Variants in CPPED1 observed in about 807,000 individuals in gnomAD.
CPPED1 encodes calcineurin like phosphoesterase domain containing 1.
A neutral mutation model predicts 28.0 loss-of-function variants in CPPED1; 28 were observed. That is an observed-to-expected ratio of 1.00 (90% confidence interval 0.74 to 1.37). The LOEUF (loss-of-function observed/expected upper bound fraction) is 1.37. Ranked by LOEUF, CPPED1 falls within the 40% of genes most tolerant of loss-of-function variation. The pLI is 0.00. For synonymous variants in CPPED1, 198 were observed against 180.2 expected (o/e 1.10, Z -0.79); for missense variants, 504 against 416.5 (o/e 1.21, Z -1.83).
chr16:12,729,756 A>G (rs140292865), intron 2 of CPPED1, among the ~76,000 whole-genome samples: 1 of 152,342 alleles, frequency 6.6e-6, no homozygotes, highest in African/African-American at 2.4e-5. Flanking sequence ...TCCTTCCACA[A>G]ATCCCACTGT....
chr16:12,766,969 G>A (rs137885935), intron 2 of CPPED1, among the ~76,000 whole-genome samples: 3 of 151,388 alleles, frequency 2.0e-5, no homozygotes, highest in African/African-American at 7.3e-5. Flanking sequence ...CAGATCCCAA[G>A]TCATTTTGGC....
intron 2 of CPPED1, among the ~76,000 whole-genome samples, chr16:12,706,755 G>A (rs978271606): frequency 2.6e-5 from 4 of 152,026 alleles, no homozygotes; most frequent in African/African-American, 7.2e-5. Context: ...AGGACTCTCG[G>A]TCCCTGGAGC....
chr16:12,745,591 A>C (rs1015661931), intron 2 of CPPED1, among the ~76,000 whole-genome samples: 2 of 152,234 alleles, frequency 1.3e-5, no homozygotes, highest in Non-Finnish European at 2.9e-5. Context: ...CAAATACCGC[A>C]TGTTCTCACT....
chr16:12,675,879 T>C (rs1414948621), intron 3 of CPPED1, among the ~76,000 whole-genome samples: 3 of 152,222 alleles, frequency 2.0e-5, no homozygotes, highest in Non-Finnish European at 2.9e-5. Flanking sequence ...GGTGTGAATG[T>C]ACAGAAAGTA....
intron 3 of CPPED1, among the ~76,000 whole-genome samples, chr16:12,667,848 T>A (rs1433514984): frequency 2.6e-5 from 4 of 151,998 alleles, no homozygotes; most frequent in African/African-American, 4.8e-5. Flanking sequence ...TAACAGAAAT[T>A]TTCCAGAAAG....
intron 3 of CPPED1, among the ~76,000 whole-genome samples, chr16:12,684,977 C>T (rs1054450866): frequency 2.6e-5 from 4 of 152,164 alleles, no homozygotes; most frequent in Non-Finnish European, 5.9e-5. Flanking sequence ...TCCCGTATTT[C>T]CTGATTTTAC....
intron 3 of CPPED1, among the ~76,000 whole-genome samples, chr16:12,694,406 T>A (rs1410288704): frequency 6.6e-6 from 1 of 152,146 alleles, no homozygotes; most frequent in East Asian, 1.9e-4. Flanking sequence ...TCTCAATTTA[T>A]AAATATTTAC....
chr16:12,752,750 T>C (rs184389031), intron 2 of CPPED1, among the ~76,000 whole-genome samples: 2 of 147,418 alleles, frequency 1.4e-5, no homozygotes, highest in Admixed American at 1.4e-4. Flanking sequence ...CAGAATAAAA[T>C]AAAAACAAAG....
chr16:12,717,231 A>T (rs2080111786), intron 2 of CPPED1, among the ~76,000 whole-genome samples: 1 of 152,220 alleles, frequency 6.6e-6, no homozygotes, highest in Admixed American at 6.5e-5. Flanking sequence ...TACTCTACAC[A>T]GATTATCTCA....
At position 12,682,271 on chromosome 16, in the gene CPPED1, G is replaced by A. The variant is rs1026675203; in HGVS notation, c.716-17156C>T. On this transcript the variant is annotated intron_variant, in intron 3 of 3. Coordinates refer to ENST00000381774, the MANE Select transcript of CPPED1 (RefSeq NM_018340.3). This position sits in a 1 kb window ranked among gnomAD's most constrained non-coding sequence, Gnocchi z 6.1. ...GCTGATCTCAAACTCCTGAACTCAG[G>A]TGATCGACCCACTTTGGTCTCCCAA... Among the ~76,000 whole-genome samples the A allele has an allele frequency of 1.3e-5, 2 of 152,040 alleles. No homozygotes were observed. Among genetic ancestry groups the A allele is most frequent in the Non-Finnish European group, 2.9e-5 (2 of 68,016 alleles).
chr16:12,688,677 T>C (rs2079946391), intron 3 of CPPED1, among the ~76,000 whole-genome samples: 1 of 152,184 alleles, frequency 6.6e-6, no homozygotes, highest in Admixed American at 6.5e-5. Context: ...TTCTCTGGTT[T>C]CTTTCCTGAC....
chr16:12,747,664 C>T (rs546010206), intron 2 of CPPED1, among the ~76,000 whole-genome samples: 2 of 152,040 alleles, frequency 1.3e-5, no homozygotes, highest in Non-Finnish European at 2.9e-5. Context: ...GCAATCTGCC[C>T]GCCTCAGCCT....
At chr16:12,697,278 T>C (rs2079996518) in intron 3 of CPPED1, among the ~76,000 whole-genome samples, 1 of 152,146 alleles carries the variant, frequency 6.6e-6, no homozygotes, top group Admixed American at 6.5e-5. Context: ...TTAAATCATT[T>C]TCTTTAAATT....
intron 3 of CPPED1, among the ~76,000 whole-genome samples, chr16:12,673,589 G>C (rs528093225): frequency 6.6e-6 from 1 of 152,300 alleles, no homozygotes; most frequent in South Asian, 2.1e-4. Flanking sequence ...GGACCTCTCA[G>C]AGCGGGTCTC....
chr16:12,715,125 T>G (rs1259695550), intron 2 of CPPED1, among the ~76,000 whole-genome samples: 1 of 152,218 alleles, frequency 6.6e-6, no homozygotes, highest in Non-Finnish European at 1.5e-5. Context: ...GATTTCTGGA[T>G]TCTCAATTCT....
rs1353409638 is a variant in CPPED1 at position 12,781,725 on chromosome 16, G to A, written c.71-322C>T. 4.6e-5 allele frequency among the ~76,000 whole-genome samples: 7 copies of A among 152,094 alleles called. No individual in the cohort carries two copies. The South Asian group carries it at 1.2e-3, about 27-fold the overall frequency. ...AGAGAACCCAATGCAGAAGATATTC[G>A]TGCTCCATAATCGTCTTTAAATTAG... On this transcript the variant is annotated intron_variant, in intron 1 of 3. Transcript: ENST00000381774.
chr16:12,791,828 G>A (rs1161320081), intron 1 of CPPED1, among the ~76,000 whole-genome samples: 1 of 152,178 alleles, frequency 6.6e-6, no homozygotes, highest in South Asian at 2.1e-4. Flanking sequence ...TTTTATTATT[G>A]AGTCTGGCAC....
intron 2 of CPPED1, among the ~76,000 whole-genome samples, chr16:12,728,294 G>A (rs966133229): frequency 6.6e-6 from 1 of 151,684 alleles, no homozygotes; most frequent in Admixed American, 6.6e-5. Flanking sequence ...TTGATTAGAG[G>A]GTCCGTAGAG....
chr16:12,695,808 C>G (rs930557084), intron 3 of CPPED1, among the ~76,000 whole-genome samples: 1 of 152,146 alleles, frequency 6.6e-6, no homozygotes, highest in Non-Finnish European at 1.5e-5. Context: ...TGGCTGTGCT[C>G]GAGTCTTTCT....
Sources: gnomAD v4.1 joint callset for allele counts (sites outside exome capture counted in the v4.1 genomes callset) on GRCh38, gnomAD v4.1.1 for gene constraint, Gnocchi (gnomAD v3.1) non-coding constraint, MANE v1.5 for transcripts, NCBI Gene and HGNC (gene_info 2026-07-23, HGNC 2026-07-21) for gene names.